NKAP: variants seen among roughly 807,000 people sequenced by gnomAD.
The protein encoded by NKAP is NF-kappa-B-activating protein.
In NKAP, 4 loss-of-function variants were observed where a neutral mutation model predicts 35.6. That is an observed-to-expected ratio of 0.11 (90% CI 0.06 to 0.26). The LOEUF is 0.26. NKAP is among the 10% of genes least tolerant of loss of function. The pLI, the probability that NKAP is intolerant of heterozygous loss-of-function variation, is 1.00. For synonymous variants in NKAP, 106 were observed against 119.2 expected, an observed-to-expected ratio of 0.89 and a Z score of 0.72; for missense variants, 238 against 321.9, an observed-to-expected ratio of 0.74 and a Z score of 1.99.
chrX:119,926,645 A>C (rs2056715735), intron 8 of NKAP, among the ~76,000 whole-genome samples: 1 of 111,527 alleles, frequency 9.0e-6, no homozygotes, highest in African/African-American at 3.3e-5. Flanking sequence ...CAAATTATTA[A>C]ACTTCCTAGG....
At position 119,924,635 on chromosome X, in the gene NKAP, C is replaced by G. The variant is rs1182381058; in HGVS notation, c.*585G>C. 1 of 109,986 alleles carries G rather than the reference C, an allele frequency of 9.1e-6. No homozygotes were observed. The highest frequency in any genetic ancestry group is 1.9e-5 in the Non-Finnish European group (1 of 52,915). The allele number at this position is 109,986 out of a possible 1,213,427, so 9.1% of individuals were successfully genotyped here. On this transcript the variant is annotated 3_prime_UTR_variant, in exon 9 of 9. Transcript: ENST00000371410. The stretch of plus-strand genomic sequence containing the variant: ...TCGACTCCTGACCTCAGGTGATCCA[C>G]CCGCCTTGGCCTCCCAAAGTGCTGG...
At chrX:119,932,352 A>C (rs902004336) in intron 5 of NKAP, 136 bp from the exon 6 acceptor site, 1 of 401,271 alleles carries the variant, frequency 2.5e-6, no homozygotes, top group African/African-American at 2.6e-5. Flanking sequence ...GGTGACAATA[A>C]AATGATCTGA....
At chrX:119,931,301 AGACC>A (rs761752460) in intron 7 of NKAP, among the ~76,000 whole-genome samples, 1 of 111,858 alleles carries the variant, frequency 8.9e-6, no homozygotes, top group Non-Finnish European at 1.9e-5. Flanking sequence ...CAGGAATTTG[AGACC>A]AGCCTGACCA....
rs764515151 is a variant in NKAP, at chrX:119,931,257, A to C, written c.923+679T>G. ...GGTGGCTCACGCCTGTAATCCCAGCACTTTGGGAGGCTGAGGCAGGTGGAT... is the reference window on the plus strand; with the variant it reads ...GGTGGCTCACGCCTGTAATCCCAGCCCTTTGGGAGGCTGAGGCAGGTGGAT... On this transcript the variant is annotated intron_variant, in intron 7 of 8. Transcript: ENST00000371410. Among the ~76,000 whole-genome samples the C allele has an allele frequency of 6.3e-5, 7 of 111,489 alleles. No homozygotes were observed. In the Admixed American group the frequency reaches 6.7e-4, roughly 11 times the overall value.
At chrX:119,932,455 T>TAA (rs60446056) in intron 5 of NKAP, 347 of 182,297 alleles carry the variant, frequency 1.9e-3, no homozygotes, top group Middle Eastern at 3.9e-3. Context: ...CCGTCTCTAT[T>TAA]AAAAAAAAAA....
chrX:119,936,345 A>C lies in NKAP; in HGVS notation c.625T>G (p.Tyr209Asp), dbSNP rs1556404679. Residue 209 changes from tyrosine to aspartate, a missense_variant, in exon 4 of 9, where the codon TAT becomes GAT. Tyr to Asp is a radical substitution (Grantham distance 160). Coordinates refer to ENST00000371410, the MANE Select transcript of NKAP (RefSeq NM_024528.4). Reference protein sequence around the residue: ...KKSSKRKHKKYSEDSDSDSDS... With the variant: ...KKSSKRKHKKDSEDSDSDSDS... ...GAGTCACTGTCGCTATCTTCAGAAT[A>C]CTTCTTATGTTTTCTTTTCGATGAT... The C allele has an allele frequency of 2.5e-6, 3 of 1,196,640 alleles. No individual in the cohort carries two copies. The highest frequency in any genetic ancestry group is 3.4e-6 in the Non-Finnish European group (3 of 889,698).
At chrX:119,935,036 CTA>C (rs2056760433) in intron 4 of NKAP, among the ~76,000 whole-genome samples, 1 of 111,388 alleles carries the variant, frequency 9.0e-6, no homozygotes, top group Non-Finnish European at 1.9e-5. Flanking sequence ...GGAAAGAAAA[CTA>C]TGTGTGTGTT....
In NKAP at chrX:119,921,645, A is replaced by C. The variant is rs1397835622; in HGVS notation, c.*3575T>G. The C allele has an allele frequency of 9.1e-6, 1 of 109,556 alleles. No individual in the cohort carries two copies. The highest frequency in any genetic ancestry group is 1.9e-5 in the Non-Finnish European group (1 of 52,787). 9.0% of individuals were successfully genotyped at this position (109,556 alleles called of 1,213,427 possible). On this transcript the variant is annotated 3_prime_UTR_variant, in exon 9 of 9. Transcript: ENST00000371410. The stretch of plus-strand genomic sequence containing the variant: ...GCAGTAACAACACTCATAAGCTGAA[A>C]ATAAAATACTTTTAGCCCTTTTATT...
At chrX:119,928,925 TGA>T (rs1407005198) in intron 8 of NKAP, among the ~76,000 whole-genome samples, 1 of 110,066 alleles carries the variant, frequency 9.1e-6, no homozygotes, top group East Asian at 2.9e-4. Flanking sequence ...TTTTTCAGGC[TGA>T]GTTTTGCTCT....
chrX:119,934,575 T>A lies in NKAP; in HGVS notation c.674-18A>T, dbSNP rs1403573470. The A allele has an allele frequency of 8.9e-7, 1 of 1,124,961 alleles. No individual in the cohort carries two copies. The highest frequency in any genetic ancestry group is 3.2e-5 in the Admixed American group (1 of 31,500). The allele number at this position is 1,124,961 out of a possible 1,213,427, so 92.7% of individuals were successfully genotyped here. Reference sequence around the variant, plus strand: ...ATCTTCATCTGCAAATTAAAGCACATTACAATTAAGAAAAAAATTTTTTAA... The same window carrying A: ...ATCTTCATCTGCAAATTAAAGCACAATACAATTAAGAAAAAAATTTTTTAA... On this transcript the variant is annotated intron_variant, in intron 4 of 8. Coordinates refer to ENST00000371410, the MANE Select transcript of NKAP (RefSeq NM_024528.4).
chrX:119,934,447 A>AAAAAAAAAG (rs2056756829), intron 5 of NKAP, 47 bp downstream of exon 5: 1 of 740,686 alleles, frequency 1.4e-6, no homozygotes, highest in Non-Finnish European at 1.9e-6. Flanking sequence ...AAAAAAAAAA[A>AAAAAAAAAG]AAAAAAAAGA....
At position 119,923,075 on chromosome X, in the gene NKAP, G is replaced by A. The variant is rs1239745654; in HGVS notation, c.*2145C>T. ...AAAATACAAAAATTAGCCAGTTGTG[G>A]TGGTGAGTGCCTGTAATCCCAGCTA... On this transcript the variant is annotated 3_prime_UTR_variant, in exon 9 of 9. Coordinates refer to ENST00000371410, the MANE Select transcript of NKAP (RefSeq NM_024528.4). 9.0e-6 allele frequency: 1 copy of A among 110,877 alleles called. No homozygotes were observed. The highest frequency in any genetic ancestry group is 3.3e-5 in the African/African-American group (1 of 30,494). 9.1% of individuals were successfully genotyped at this position (110,877 alleles called of 1,213,427 possible).
intron 8 of NKAP, among the ~76,000 whole-genome samples, chrX:119,927,101 GTAA>G (rs1238410432): frequency 1.0e-5 from 1 of 99,648 alleles, no homozygotes; most frequent in Non-Finnish European, 2.0e-5. Context: ...GTCTAAATCT[GTAA>G]TTGAACAGCA....
chrX:119,927,598 G>A (rs2056721338), intron 8 of NKAP, among the ~76,000 whole-genome samples: 2 of 112,215 alleles, frequency 1.8e-5, no homozygotes, highest in African/African-American at 6.5e-5. Flanking sequence ...ACCCGCCTCA[G>A]CCTCCCAAAG....
Position 119,920,684 on chromosome X carries a change from A to G in NKAP, c.*4536T>C. On this transcript the variant is annotated 3_prime_UTR_variant, in exon 9 of 9. Coordinates refer to ENST00000371410, the MANE Select transcript of NKAP (RefSeq NM_024528.4). ...ACAATACAGCACGTCAAACCACAGA[A>G]TATTTATTGAGTAATAAACTTGTGG... 1 of 743,229 alleles carries G rather than the reference A, an allele frequency of 1.3e-6. No individual in the cohort carries two copies. Among genetic ancestry groups the G allele is most frequent in the South Asian group, 3.2e-5 (1 of 31,219 alleles). The allele number at this position is 743,229 out of a possible 1,213,427, so 61.3% of individuals were successfully genotyped here.
chrX:119,942,867 T>C lies in NKAP; in HGVS notation c.386+353A>G, dbSNP rs770357326. 4 of 146,254 alleles carry C rather than the reference T, an allele frequency of 2.7e-5. No homozygotes were observed. In the East Asian group the frequency reaches 4.8e-4, roughly 17 times the overall value. The allele number at this position is 146,254 out of a possible 1,213,427, so 12.1% of individuals were successfully genotyped here. A position where few individuals can be genotyped will look rare whatever the true frequency, so the allele number is the denominator to read the frequency against. ...TTCTCCTCCGTTCACTGGCTCCTCC[T>C]TTCCATGAGCTCAGTCTAGTGGGGA... On this transcript the variant is annotated intron_variant, in intron 1 of 8. Transcript: ENST00000371410.
intron 1 of NKAP, among the ~76,000 whole-genome samples, chrX:119,939,693 G>A (rs2056783443): frequency 9.1e-6 from 1 of 109,791 alleles, no homozygotes; most frequent in Non-Finnish European, 1.9e-5. Context: ...GAGATCAGGA[G>A]GTCAAGACCA....
In NKAP at chrX:119,924,552, G is replaced by T. The variant is rs971257538; in HGVS notation, c.*668C>A. 1.8e-5 allele frequency: 2 copies of T among 109,717 alleles called. No homozygotes were observed. Among genetic ancestry groups the T allele is most frequent in the Admixed American group, 9.9e-5 (1 of 10,109 alleles). The allele number at this position is 109,717 out of a possible 1,213,427, so 9.0% of individuals were successfully genotyped here. A position where few individuals can be genotyped will look rare whatever the true frequency, so the allele number is the denominator to read the frequency against. On this transcript the variant is annotated 3_prime_UTR_variant, in exon 9 of 9. Transcript: ENST00000371410. ...ATTACAGGCGCCCACCACCACGCCC[G>T]GCTAATTTTTGTATTTTTTGGTAGA...
intron 1 of NKAP, among the ~76,000 whole-genome samples, chrX:119,942,075 A>G (rs897104109): frequency 2.7e-5 from 3 of 112,513 alleles, no homozygotes; most frequent in Non-Finnish European, 5.6e-5. Context: ...TGAGAAACTT[A>G]GAAATATTAC....
Sources: gnomAD v4.1 joint callset for allele counts (sites outside exome capture counted in the v4.1 genomes callset) on GRCh38, gnomAD v4.1.1 for gene constraint, MANE v1.5 for transcripts, NCBI Gene and HGNC (gene_info 2026-07-23, HGNC 2026-07-21) for gene names.